The following DIRAS2 variants were observed in gnomAD, a reference collection of about 807,000 sequenced individuals.
DIRAS2 encodes GTP-binding protein Di-Ras2.
DIRAS2 carries 5 observed loss-of-function variants against 13.9 expected under a neutral mutation model. That is an observed-to-expected ratio of 0.36 (90% confidence interval 0.19 to 0.76). The LOEUF (loss-of-function observed/expected upper bound fraction) is 0.76, where lower values mean the gene tolerates loss of function less well. DIRAS2 is among the 30% of genes least tolerant of loss of function. DIRAS2 has a pLI of 0.53. For synonymous variants in DIRAS2, 111 were observed against 105.4 expected, an observed-to-expected ratio of 1.05 and a Z score of -0.33; for missense variants, 191 against 263.0, an observed-to-expected ratio of 0.73 and a Z score of 1.89.
At chr9:90,617,374 T>C (rs1305841173) in intron 1 of DIRAS2, among the ~76,000 whole-genome samples, 1 of 152,150 alleles carries the variant, frequency 6.6e-6, no homozygotes, top group Non-Finnish European at 1.5e-5. Context: ...ATACCATTCA[T>C]ACACAAACAG....
At chr9:90,621,854 C>A (rs1356522507) in intron 1 of DIRAS2, among the ~76,000 whole-genome samples, 1 of 152,172 alleles carries the variant, frequency 6.6e-6, no homozygotes, top group Non-Finnish European at 1.5e-5. Flanking sequence ...ATTTTTGTTA[C>A]AAGAAAAATA....
chr9:90,614,314 G>GTT (rs966669473), intron 1 of DIRAS2, among the ~76,000 whole-genome samples: 2 of 140,270 alleles, frequency 1.4e-5, no homozygotes, highest in African/African-American at 5.8e-5. Context: ...TAATGTGTGT[G>GTT]TGTGTGTGTG....
intron 1 of DIRAS2, among the ~76,000 whole-genome samples, chr9:90,641,704 C>T (rs922048453): frequency 1.3e-5 from 2 of 152,078 alleles, no homozygotes; most frequent in Non-Finnish European, 1.5e-5. Context: ...GGAAATGGAG[C>T]ACATTGTGAC....
At chr9:90,616,828 A>T (rs974594677) in intron 1 of DIRAS2, among the ~76,000 whole-genome samples, 1 of 152,142 alleles carries the variant, frequency 6.6e-6, no homozygotes, top group Non-Finnish European at 1.5e-5. Flanking sequence ...TGTCTTCTAG[A>T]TACTGTGCAA....
At chr9:90,631,527 C>A (rs1825325243) in intron 1 of DIRAS2, among the ~76,000 whole-genome samples, 1 of 152,124 alleles carries the variant, frequency 6.6e-6, no homozygotes. Context: ...AAGTCTCCAG[C>A]AACAATCTTG....
chr9:90,641,232 C>T (rs139024903), intron 1 of DIRAS2, among the ~76,000 whole-genome samples: 1,777 of 152,254 alleles, frequency 0.012, 12 homozygotes, highest in Non-Finnish European at 0.019. Flanking sequence ...TTTTCTGAGT[C>T]GCCTCTTAGG....
intron 1 of DIRAS2, among the ~76,000 whole-genome samples, chr9:90,618,934 G>A (rs1299042868): frequency 6.6e-6 from 1 of 152,104 alleles, no homozygotes; most frequent in Non-Finnish European, 1.5e-5. Flanking sequence ...ACAAGATCAA[G>A]AGATCAAGAC....
intron 1 of DIRAS2, among the ~76,000 whole-genome samples, chr9:90,615,237 A>G (rs550815913): frequency 6.6e-6 from 1 of 152,366 alleles, no homozygotes; most frequent in South Asian, 2.1e-4. Context: ...ACAGAACATC[A>G]GGTCAAAGCC....
intron 1 of DIRAS2, among the ~76,000 whole-genome samples, chr9:90,632,673 A>G (rs1167117706): frequency 6.6e-6 from 1 of 152,198 alleles, no homozygotes; most frequent in Non-Finnish European, 1.5e-5. Flanking sequence ...GTACTTGAAC[A>G]CTGCCTGGCC....
Position 90,610,305 on chromosome 9 carries a change from C to T in DIRAS2, c.*2923G>A, listed in dbSNP as rs549260118. 5 of 397,792 alleles carry T rather than the reference C, an allele frequency of 1.3e-5. No individual in the cohort carries two copies. The South Asian group carries it at 5.3e-4, about 42-fold the overall frequency. 24.6% of individuals were successfully genotyped at this position (397,792 alleles called of 1,614,324 possible). A position where few individuals can be genotyped will look rare whatever the true frequency, so the allele number is the denominator to read the frequency against. ...GATATGTACAATTTATGACTTTATACTTCAAAAATGCAGGAAGATAAATTA... is the reference window on the plus strand; with the variant it reads ...GATATGTACAATTTATGACTTTATATTTCAAAAATGCAGGAAGATAAATTA... On this transcript the variant is annotated 3_prime_UTR_variant, in exon 2 of 2. Transcript: ENST00000375765.
chr9:90,633,695 G>C (rs909785583), intron 1 of DIRAS2, among the ~76,000 whole-genome samples: 2 of 152,186 alleles, frequency 1.3e-5, no homozygotes, highest in Admixed American at 1.3e-4. Context: ...AAAAGCAGTG[G>C]ATCTGCTTTT....
chr9:90,618,368 G>C (rs1313243409), intron 1 of DIRAS2, among the ~76,000 whole-genome samples: 3 of 152,116 alleles, frequency 2.0e-5, no homozygotes, highest in Admixed American at 1.3e-4. Flanking sequence ...ACTGGTAAAA[G>C]AATAAGGGGA....
intron 1 of DIRAS2, among the ~76,000 whole-genome samples, chr9:90,638,740 C>T (rs1825393120): frequency 1.2e-5 from 1 of 85,554 alleles, no homozygotes; most frequent in African/African-American, 4.7e-5. Flanking sequence ...TGGCACTGAG[C>T]TGGATTTTTT....
At chr9:90,620,053 A>C (rs529372927) in intron 1 of DIRAS2, among the ~76,000 whole-genome samples, 6 of 152,294 alleles carry the variant, frequency 3.9e-5, no homozygotes, top group Admixed American at 3.9e-4. Context: ...GGGGGAAACA[A>C]GAAGTAACTG....
At chr9:90,625,954 T>G (rs1426004735) in intron 1 of DIRAS2, 1 of 151,998 alleles carries the variant, frequency 6.6e-6, no homozygotes, top group Non-Finnish European at 1.5e-5. Context: ...AAGACTGGGG[T>G]GGATGGATCA....
rs1185712972 is a variant in DIRAS2 at position 90,610,258 on chromosome 9, G to A, written c.*2970C>T. The A allele has an allele frequency of 2.5e-6, 1 of 394,112 alleles. No homozygotes were observed. Among genetic ancestry groups the A allele is most frequent in the Admixed American group, 4.4e-5 (1 of 22,632 alleles). 24.4% of individuals were successfully genotyped at this position (394,112 alleles called of 1,614,324 possible). A position where few individuals can be genotyped will look rare whatever the true frequency, so the allele number is the denominator to read the frequency against. On this transcript the variant is annotated 3_prime_UTR_variant, in exon 2 of 2. Transcript: ENST00000375765. ...GCATTTCTTAAATATTACAAACAGT[G>A]AAACAAATATACTAGCTTACAGATA...
intron 1 of DIRAS2, among the ~76,000 whole-genome samples, chr9:90,639,720 T>C (rs1825401896): frequency 6.6e-6 from 1 of 152,238 alleles, no homozygotes; most frequent in African/African-American, 2.4e-5. Context: ...ACTCACTGGT[T>C]ATTTTTCATA....
At chr9:90,627,843 T>C (rs1326982836) in intron 1 of DIRAS2, among the ~76,000 whole-genome samples, 1 of 151,874 alleles carries the variant, frequency 6.6e-6, no homozygotes, top group Admixed American at 6.6e-5. Context: ...CACTATACAG[T>C]AAAAACAGCA....
At chr9:90,616,113 C>T (rs1024201055) in intron 1 of DIRAS2, among the ~76,000 whole-genome samples, 1 of 152,222 alleles carries the variant, frequency 6.6e-6, no homozygotes, top group Non-Finnish European at 1.5e-5. Flanking sequence ...TCTCTTGGTT[C>T]ACAGCACATA....
Sources: allele counts gnomAD v4.1 joint callset (sites outside exome capture counted in the v4.1 genomes callset), GRCh38; gene constraint gnomAD v4.1.1; transcripts MANE v1.5; gene names NCBI Gene and HGNC (gene_info 2026-07-23, HGNC 2026-07-21).